The following WWOX variants were observed in gnomAD, a reference collection of about 807,000 sequenced individuals.
WWOX encodes the protein WW domain-containing oxidoreductase.
Under a neutral mutation model 46.2 loss-of-function variants are expected in WWOX, and 69 were observed. The observed-to-expected ratio is 1.49, with a 90% CI of 1.23 to 1.82. WWOX has a LOEUF of 1.82. Ranked by LOEUF, WWOX falls within the 40% of genes most tolerant of loss-of-function variation. The probability of loss-of-function intolerance (pLI) is 0.00; values close to 1 mark genes in which losing one functional copy is unlikely to be tolerated. For missense variants in WWOX, 919 were observed against 542.6 expected (o/e 1.69, Z -6.89); for synonymous variants, 359 against 202.6 (o/e 1.77, Z -6.56).
chr16:78,429,939 C>T (rs2083178072), intron 7 of WWOX, among the ~76,000 whole-genome samples: 1 of 152,114 alleles, frequency 6.6e-6, no homozygotes, highest in African/African-American at 2.4e-5. Context: ...CCCACCATTA[C>T]CAGGTGTGTG....
At chr16:78,930,835 A>G (rs927873690) in intron 8 of WWOX, among the ~76,000 whole-genome samples, 2 of 152,086 alleles carry the variant, frequency 1.3e-5, no homozygotes, top group Non-Finnish European at 1.5e-5. Flanking sequence ...GTCAGTCGCT[A>G]TGCAAGGCAC....
chr16:78,766,691 T>C (rs1404772493), intron 8 of WWOX, among the ~76,000 whole-genome samples: 1 of 152,202 alleles, frequency 6.6e-6, no homozygotes, highest in Non-Finnish European at 1.5e-5. Flanking sequence ...TAGACTTGTT[T>C]GAAAAAAGGG....
chr16:78,582,518 G>A (rs1597303466), intron 8 of WWOX, among the ~76,000 whole-genome samples: 1 of 152,112 alleles, frequency 6.6e-6, no homozygotes, highest in Non-Finnish European at 1.5e-5. Flanking sequence ...TTAAAAATTC[G>A]GATGCATTTT....
intron 8 of WWOX, among the ~76,000 whole-genome samples, chr16:78,822,339 C>G (rs558014769): frequency 9.9e-5 from 15 of 152,194 alleles, no homozygotes; most frequent in African/African-American, 2.9e-4. Context: ...ACTAAAAACA[C>G]AAAAATTAGC....
chr16:78,684,918 C>T (rs975789802), intron 8 of WWOX, among the ~76,000 whole-genome samples: 11 of 152,174 alleles, frequency 7.2e-5, no homozygotes, highest in African/African-American at 2.4e-4. Flanking sequence ...GTATCAGAAA[C>T]TAGTGAACAC....
intron 5 of WWOX, among the ~76,000 whole-genome samples, chr16:78,352,959 A>G (rs965522160): frequency 7.9e-5 from 12 of 152,218 alleles, no homozygotes; most frequent in African/African-American, 2.7e-4. Context: ...ATGATTTTTT[A>G]AAAATATTTC....
chr16:78,265,319 A>T (rs2079340461), intron 5 of WWOX, among the ~76,000 whole-genome samples: 2 of 151,608 alleles, frequency 1.3e-5, no homozygotes, highest in Admixed American at 6.6e-5. Context: ...TGTTGAATGT[A>T]TGTTGTTATA....
At chr16:79,034,781 A>G (rs1415892465) in intron 8 of WWOX, among the ~76,000 whole-genome samples, 2 of 152,214 alleles carry the variant, frequency 1.3e-5, no homozygotes, top group Non-Finnish European at 2.9e-5. Flanking sequence ...AATGCCATAA[A>G]TTACATGAAG....
rs1037306723 is a variant in WWOX, at chr16:78,748,288, T to A, written c.1056+315536T>A. Among the ~76,000 whole-genome samples the A allele has an allele frequency of 3.9e-5, 6 of 152,222 alleles. No individual in the cohort carries two copies. The East Asian group carries it at 1.2e-3, about 29-fold the overall frequency. ...AGCTCACCACAAATAAACATTTTAA[T>A]CTACTATAAAATAGCTCAAAAGACT... On this transcript the variant is annotated intron_variant, in intron 8 of 8. Coordinates refer to ENST00000566780, the MANE Select transcript of WWOX (RefSeq NM_016373.4).
intron 8 of WWOX, among the ~76,000 whole-genome samples, chr16:78,816,651 G>T (rs919847785): frequency 6.6e-6 from 1 of 151,302 alleles, no homozygotes; most frequent in Non-Finnish European, 1.5e-5. Flanking sequence ...CACATTAAAA[G>T]CACAACCAAA....
At chr16:79,200,592 T>G (rs1176751170) in intron 8 of WWOX, among the ~76,000 whole-genome samples, 1 of 152,152 alleles carries the variant, frequency 6.6e-6, no homozygotes, top group East Asian at 1.9e-4. Flanking sequence ...CGTTGGCACC[T>G]AAGAGACTCT....
chr16:78,997,158 G>C (rs557645771), intron 8 of WWOX, among the ~76,000 whole-genome samples: 2 of 151,356 alleles, frequency 1.3e-5, no homozygotes, highest in African/African-American at 4.9e-5. Flanking sequence ...GGTGAGGGGG[G>C]TGCTATTTTC....
At chr16:78,518,826 C>T (rs1326972533) in intron 8 of WWOX, among the ~76,000 whole-genome samples, 7 of 152,116 alleles carry the variant, frequency 4.6e-5, no homozygotes, top group Admixed American at 4.6e-4. Flanking sequence ...AAATGGATTG[C>T]CTGTGATTTC....
chr16:78,205,345 T>C (rs72806821), intron 5 of WWOX, among the ~76,000 whole-genome samples: 5,961 of 152,256 alleles, frequency 0.039, 164 homozygotes, highest in Middle Eastern at 0.088. Context: ...CGTATCCATA[T>C]GTCAGTTGGC....
At chr16:79,141,412 A>G (rs992334386) in intron 8 of WWOX, among the ~76,000 whole-genome samples, 4 of 152,222 alleles carry the variant, frequency 2.6e-5, no homozygotes, top group African/African-American at 9.6e-5. Context: ...ACAGGTGCAC[A>G]TCCTCAACCT....
chr16:78,454,260 G>C (rs72799920), intron 8 of WWOX, among the ~76,000 whole-genome samples: 4,063 of 152,162 alleles, frequency 0.027, 107 homozygotes, highest in South Asian at 0.14. Flanking sequence ...AGATCAAGAT[G>C]TTCTATGTTG....
At chr16:78,831,084 G>A (rs75689059) in intron 8 of WWOX, among the ~76,000 whole-genome samples, 4 of 152,130 alleles carry the variant, frequency 2.6e-5, no homozygotes, top group South Asian at 2.1e-4. Flanking sequence ...AAGGGACTGC[G>A]TTCCTAGCCC....
At chr16:78,328,752 T>C (rs377149928) in intron 5 of WWOX, among the ~76,000 whole-genome samples, 5 of 152,306 alleles carry the variant, frequency 3.3e-5, no homozygotes, top group African/African-American at 1.2e-4. Flanking sequence ...CCAAGCAAAA[T>C]CATTTCCACA....
At chr16:78,338,815 C>A (rs1241065242) in intron 5 of WWOX, among the ~76,000 whole-genome samples, 1 of 120,092 alleles carries the variant, frequency 8.3e-6, no homozygotes, top group Non-Finnish European at 2.0e-5. Context: ...TCATTCTATT[C>A]TTTTCATTTC....
Sources: allele counts gnomAD v4.1 joint callset (sites outside exome capture counted in the v4.1 genomes callset), GRCh38; gene constraint gnomAD v4.1.1; transcripts MANE v1.5; gene names NCBI Gene and HGNC (gene_info 2026-07-23, HGNC 2026-07-21).